ZNF664: variants seen among roughly 807,000 people sequenced by gnomAD.
ZNF664 encodes zinc finger protein 664, also known as zinc finger Organ of Corti 1.
In ZNF664, 10 loss-of-function variants were observed where a neutral mutation model predicts 18.2. That is an observed-to-expected ratio of 0.55 (90% CI 0.34 to 0.93). The LOEUF (loss-of-function observed/expected upper bound fraction) is 0.93. Ranked by LOEUF, ZNF664 falls within the 40% of genes least tolerant of loss-of-function variation. The pLI is 0.02. For synonymous variants in ZNF664, 119 were observed against 104.2 expected (o/e 1.14, Z -0.86); for missense variants, 193 against 319.0 (o/e 0.61, Z 3.01).
At chr12:124,002,650 T>G (rs1386126906) in intron 3 of ZNF664, among the ~76,000 whole-genome samples, 1 of 152,000 alleles carries the variant, frequency 6.6e-6, no homozygotes, top group East Asian at 1.9e-4. Flanking sequence ...CTGGTGGGGC[T>G]GGAGGAAAGC....
intron 2 of ZNF664, chr12:123,974,254 A>G (rs1956652173): frequency 2.1e-5 from 8 of 375,882 alleles, no homozygotes; most frequent in Non-Finnish European, 2.8e-5. Flanking sequence ...TAACAACTAA[A>G]TCTCCCCGGG....
At chr12:124,006,663 G>A (rs1418534484) in intron 3 of ZNF664, among the ~76,000 whole-genome samples, 2 of 152,208 alleles carry the variant, frequency 1.3e-5, no homozygotes, top group African/African-American at 4.8e-5. Context: ...AGGATTTGAG[G>A]TAGATGGGCT....
Position 123,973,295 on chromosome 12 carries a change from G to A in ZNF664, c.-949G>A. 1.0e-6 allele frequency: 1 copy of A among 983,654 alleles called. No homozygotes were observed. The highest frequency in any genetic ancestry group is 1.2e-6 in the Non-Finnish European group (1 of 829,562). 60.9% of individuals were successfully genotyped at this position (983,654 alleles called of 1,614,324 possible). A position where few individuals can be genotyped will look rare whatever the true frequency, so the allele number is the denominator to read the frequency against. On this transcript the variant is annotated 5_prime_UTR_variant, in exon 1 of 5. Coordinates refer to ENST00000337815, the MANE Select transcript of ZNF664 (RefSeq NM_152437.3). ...GGCGCACCTGTGAGGTGTCCCTGAG[G>A]AGAGGGAGGTGGGTGCGCGGCGCCC...
chr12:123,973,599 G>C (rs919872398), intron 1 of ZNF664: 1 of 390,050 alleles, frequency 2.6e-6, no homozygotes, highest in Non-Finnish European at 3.5e-6. Flanking sequence ...CCCGCAGTGC[G>C]GGGGAGCGGG....
In ZNF664 at chr12:124,012,417, G is replaced by C. The variant is rs779793903; in HGVS notation, c.273G>C (p.Glu91Asp). 6.2e-7 allele frequency: 1 copy of C among 1,614,100 alleles called. No homozygotes were observed. The highest frequency in any genetic ancestry group is 1.3e-5 in the African/African-American group (1 of 74,934). Residue 91 changes from glutamate (E) to aspartate (D), a missense_variant, in exon 5 of 5, where the codon GAG becomes GAC. Around this residue, in one of 3 missense-constraint regions of ZNF664, gnomAD observed 90 missense variants for 118.9 expected, o/e 0.76. Transcript: ENST00000337815. ...HTVEKPYKCY[E>D]CGKAFNWSSH... Reference sequence around the variant, plus strand: ...TGGAGAAGCCCTATAAATGTTACGAGTGTGGCAAAGCCTTCAATTGGAGCT... The same window carrying C: ...TGGAGAAGCCCTATAAATGTTACGACTGTGGCAAAGCCTTCAATTGGAGCT...
In ZNF664 at chr12:124,012,054, C is replaced by T; in HGVS notation, c.-91C>T. 1 of 1,482,706 alleles carries T rather than the reference C, an allele frequency of 6.7e-7. No homozygotes were observed. Among genetic ancestry groups the T allele is most frequent in the Non-Finnish European group, 8.9e-7 (1 of 1,125,236 alleles). 91.8% of individuals were successfully genotyped at this position (1,482,706 alleles called of 1,614,324 possible). On this transcript the variant is annotated 5_prime_UTR_variant, in exon 5 of 5. Coordinates refer to ENST00000337815, the MANE Select transcript of ZNF664 (RefSeq NM_152437.3). ...AGCCTGAGATAGACTGCCAAAATGG[C>T]CAAATAAGAGACTCTATGAAATAAC...
At chr12:124,011,283 C>T (rs1022178090) in intron 3 of ZNF664, 98 bp from the exon 4 acceptor site, 21 of 973,050 alleles carry the variant, frequency 2.2e-5, no homozygotes, top group Non-Finnish European at 2.6e-5. Flanking sequence ...ATAATGTTCC[C>T]CTTGATGTTG....
At chr12:123,987,934 CT>C (rs1252341957) in intron 2 of ZNF664, 108 bp from the exon 3 acceptor site, 10 of 1,223,196 alleles carry the variant, frequency 8.2e-6, no homozygotes, top group Non-Finnish European at 1.0e-5. Flanking sequence ...TCTGTCCTAT[CT>C]TCTGAGCTGG....
chr12:123,986,469 C>A (rs937483467), intron 2 of ZNF664, among the ~76,000 whole-genome samples: 5 of 152,188 alleles, frequency 3.3e-5, no homozygotes, highest in Non-Finnish European at 5.9e-5. Context: ...CTCCTCCTTG[C>A]TTATAGATTC....
intron 3 of ZNF664, among the ~76,000 whole-genome samples, chr12:123,995,117 A>G (rs1196871522): frequency 2.6e-5 from 4 of 152,344 alleles, no homozygotes; most frequent in African/African-American, 4.8e-5. Context: ...AGTTGAGAGC[A>G]TGATCTGAGG....
At chr12:123,984,362 G>A (rs1956800544) in intron 2 of ZNF664, among the ~76,000 whole-genome samples, 1 of 152,200 alleles carries the variant, frequency 6.6e-6, no homozygotes, top group Non-Finnish European at 1.5e-5. Context: ...CCGACAATGA[G>A]AGAGGAACCT....
At chr12:124,001,408 A>G (rs1957010353) in intron 3 of ZNF664, among the ~76,000 whole-genome samples, 1 of 152,236 alleles carries the variant, frequency 6.6e-6, no homozygotes, top group South Asian at 2.1e-4. Context: ...CTACTAAGAT[A>G]AAGATCACGA....
chr12:123,994,382 T>A (rs766240343), intron 3 of ZNF664, among the ~76,000 whole-genome samples: 72 of 152,220 alleles, frequency 4.7e-4, no homozygotes, highest in Non-Finnish European at 5.0e-4. Context: ...AGATACTTAC[T>A]AACTCATTTA....
At chr12:124,002,357 AG>A (rs369822492) in intron 3 of ZNF664, among the ~76,000 whole-genome samples, 3 of 152,236 alleles carry the variant, frequency 2.0e-5, no homozygotes, top group African/African-American at 7.2e-5. Flanking sequence ...CTTGTGAGCC[AG>A]TGAGAGGATG....
At chr12:123,973,840 G>A in intron 1 of ZNF664, 46 bp from the exon 2 acceptor site, 1 of 1,231,178 alleles carries the variant, frequency 8.1e-7, no homozygotes, top group Non-Finnish European at 1.0e-6. Flanking sequence ...GGGGAGCCGG[G>A]CGGCTGCGGA....
At chr12:123,974,606 T>C (rs533258775) in intron 2 of ZNF664, 15 of 152,350 alleles carry the variant, frequency 9.8e-5, no homozygotes, top group African/African-American at 3.4e-4. Context: ...AGAGATGGCA[T>C]TTTGTCTTTG....
intron 1 of ZNF664, 70 bp downstream of exon 1, chr12:123,973,422 G>T (rs1956621233): frequency 1.2e-6 from 1 of 829,036 alleles, no homozygotes; most frequent in Non-Finnish European, 1.5e-6. Context: ...GGGGGCCAGG[G>T]AGCGGGCTGG....
Position 124,011,415 on chromosome 12 carries a change from A to G in ZNF664, c.-626A>G, listed in dbSNP as rs1957134838. The G allele has an allele frequency of 1.3e-5, 13 of 1,011,980 alleles. No individual in the cohort carries two copies. Among genetic ancestry groups the G allele is most frequent in the Non-Finnish European group, 1.3e-5 (11 of 850,488 alleles). 62.7% of individuals were successfully genotyped at this position (1,011,980 alleles called of 1,614,324 possible). On this transcript the variant is annotated 5_prime_UTR_variant, in exon 4 of 5. The change creates a new upstream start codon in the 5' untranslated region. Coordinates refer to ENST00000337815, the MANE Select transcript of ZNF664 (RefSeq NM_152437.3). ...TCCAAGAGACACATCTTTGGAAGAT[A>G]AGAGAGCTTCTTCAAGACCAAAAAA...
At position 123,973,370 on chromosome 12, in the gene ZNF664, GGGCTGCA is replaced by G. The variant is rs1342937003; in HGVS notation, c.-892+20_-892+26del. On this transcript the variant is annotated intron_variant, in intron 1 of 4. Transcript: ENST00000337815. The stretch of plus-strand genomic sequence containing the variant: ...CACTTGGAGTGAGTTCTCGGCGGCC[GGGCTGCA>G]GTCTTTCTTTCTTTCCCGGAGGGAG... 1 of 964,370 alleles carries G rather than the reference GGGCTGCA, an allele frequency of 1.0e-6. No individual in the cohort carries two copies. Among genetic ancestry groups the G allele is most frequent in the East Asian group, 1.1e-4 (1 of 8,746 alleles). The allele number at this position is 964,370 out of a possible 1,614,324, so 59.7% of individuals were successfully genotyped here.
Sources: gnomAD v4.1 joint callset for allele counts (sites outside exome capture counted in the v4.1 genomes callset) on GRCh38, gnomAD v4.1.1 for gene constraint, gnomAD v4.1.1 regional missense constraint, MANE v1.5 for transcripts, NCBI Gene and HGNC (gene_info 2026-07-23, HGNC 2026-07-21) for gene names.